Variants in DISP1 observed in about 807,000 individuals in gnomAD.
DISP1 encodes the protein dispatched RND transporter family member 1.
A neutral mutation model predicts 37.3 loss-of-function variants in DISP1; 30 were observed. That is an observed-to-expected ratio of 0.80 (90% CI 0.60 to 1.09). The LOEUF is 1.09. Ranked by LOEUF, DISP1 falls within the 50% of genes least tolerant of loss-of-function variation. The probability of loss-of-function intolerance (pLI) is 0.00; values close to 1 mark genes in which losing one functional copy is unlikely to be tolerated. For missense variants in DISP1, 1,598 were observed against 1,879.5 expected, an observed-to-expected ratio of 0.85 and a Z score of 2.77; for synonymous variants, 634 against 690.2, an observed-to-expected ratio of 0.92 and a Z score of 1.28.
chr1:222,902,676 T>C (rs1055495461), intron 1 of DISP1, among the ~76,000 whole-genome samples: 1 of 152,160 alleles, frequency 6.6e-6, no homozygotes, highest in Admixed American at 6.5e-5. Flanking sequence ...AAGACATTTA[T>C]GCAGCCAAAA....
At chr1:222,845,621 A>G (rs1306988547) in intron 1 of DISP1, among the ~76,000 whole-genome samples, 1 of 152,164 alleles carries the variant, frequency 6.6e-6, no homozygotes, top group Non-Finnish European at 1.5e-5. Context: ...TTTTTGAACA[A>G]TATGTTTAGG....
At chr1:222,951,370 A>G (rs1675205352) in intron 3 of DISP1, among the ~76,000 whole-genome samples, 1 of 107,314 alleles carries the variant, frequency 9.3e-6, no homozygotes, top group African/African-American at 3.7e-5. Flanking sequence ...TTAAAACAAA[A>G]AAAAAAAAGT....
intron 2 of DISP1, among the ~76,000 whole-genome samples, chr1:222,931,063 G>A (rs1284431636): frequency 6.6e-6 from 1 of 151,960 alleles, no homozygotes; most frequent in Non-Finnish European, 1.5e-5. Context: ...AGGGAGTGGG[G>A]CCTGGTATTA....
At chr1:222,868,474 G>A (rs189823254) in intron 1 of DISP1, among the ~76,000 whole-genome samples, 4 of 152,034 alleles carry the variant, frequency 2.6e-5, no homozygotes, top group Admixed American at 2.0e-4. Flanking sequence ...GTTTGGGAGC[G>A]GAATTATTCA....
Position 223,004,276 on chromosome 1 carries a change from AAGGCCTC to A in DISP1, c.2882_2888del (p.Gly961AlafsTer36). 5.0e-6 allele frequency: 8 copies of A among 1,614,094 alleles called. No homozygotes were observed. Among genetic ancestry groups the A allele is most frequent in the Non-Finnish European group, 6.8e-6 (8 of 1,180,006 alleles). ...TCCAGTGAGCTGAGTTCGGCCCCTG[AAGGCCTC>A]AGCAATGGTTGGTTTGTCAGCAATC... On this transcript the variant is annotated frameshift_variant, in exon 9 of 9. Transcript: ENST00000675850. LOFTEE classifies it low-confidence loss of function (END_TRUNC). This position sits in a 1 kb window ranked among gnomAD's most constrained non-coding sequence, Gnocchi z 4.9.
chr1:222,936,770 A>T (rs1302170983), intron 2 of DISP1, among the ~76,000 whole-genome samples: 2 of 61,466 alleles, frequency 3.3e-5, no homozygotes, highest in Non-Finnish European at 6.8e-5. Flanking sequence ...TATAAAAATT[A>T]TATATATCAT....
Position 222,980,410 on chromosome 1 carries a change from AGT to A in DISP1, c.510-2641_510-2640del, listed in dbSNP as rs3028495. On this transcript the variant is annotated intron_variant, in intron 3 of 8. Coordinates refer to ENST00000675850, the MANE Select transcript of DISP1 (RefSeq NM_001377229.1). ...AAATAGGAATGGGCTGATGTAACAAAGTGTGTGTGTGTGTGTGTGTGTGTGTG... is the reference window on the plus strand; with the variant it reads ...AAATAGGAATGGGCTGATGTAACAAAGTGTGTGTGTGTGTGTGTGTGTGTG... 9.9e-3 allele frequency among the ~76,000 whole-genome samples: 1,472 copies of A among 148,116 alleles called. 8 individuals are homozygous for A. The highest frequency in any genetic ancestry group is 0.014 in the Admixed American group (203 of 14,784).
At chr1:222,831,522 T>G (rs141946419) in intron 1 of DISP1, among the ~76,000 whole-genome samples, 3 of 152,316 alleles carry the variant, frequency 2.0e-5, no homozygotes, top group African/African-American at 7.2e-5. Context: ...AGCTTAGAAC[T>G]GCTGAATTTA....
At chr1:222,851,061 A>ATTTTTTT (rs971721526) in intron 1 of DISP1, among the ~76,000 whole-genome samples, 1 of 127,362 alleles carries the variant, frequency 7.9e-6, no homozygotes, top group African/African-American at 2.9e-5. Context: ...TGCATTTTTA[A>ATTTTTTT]TTTTTTTTTT....
At chr1:222,940,540 T>C (rs76394746) in intron 2 of DISP1, among the ~76,000 whole-genome samples, 419 of 152,330 alleles carry the variant, frequency 2.8e-3, no homozygotes, top group Non-Finnish European at 4.6e-3. Context: ...AAGTCATTTG[T>C]TGTTATTAGA....
intron 1 of DISP1, among the ~76,000 whole-genome samples, chr1:222,913,742 A>T (rs981291353): frequency 8.4e-6 from 1 of 118,676 alleles, no homozygotes; most frequent in Non-Finnish European, 2.0e-5. Flanking sequence ...CTACATCTCT[A>T]CAAAAAAAAG....
At chr1:222,836,762 T>TATATATATATATAC (rs1014185520) in intron 1 of DISP1, among the ~76,000 whole-genome samples, 3 of 147,472 alleles carry the variant, frequency 2.0e-5, no homozygotes, top group African/African-American at 7.6e-5. Flanking sequence ...TATATATATA[T>TATATATATATATAC]ACACACACAC....
At chr1:222,826,626 G>T (rs1230517901) in intron 1 of DISP1, among the ~76,000 whole-genome samples, 1 of 151,716 alleles carries the variant, frequency 6.6e-6, no homozygotes, top group African/African-American at 2.4e-5. Context: ...TGGGTCAAAC[G>T]AGCCTCCTGC....
chr1:222,943,892 T>C (rs144113630), intron 3 of DISP1, among the ~76,000 whole-genome samples: 269 of 151,946 alleles, frequency 1.8e-3, no homozygotes, highest in South Asian at 9.1e-3. Flanking sequence ...TAGCTGGGCG[T>C]GGTGGTGCAT....
intron 2 of DISP1, 118 bp from the exon 3 acceptor site, chr1:222,942,689 C>A: frequency 8.5e-7 from 1 of 1,181,866 alleles, no homozygotes. Context: ...CTACCACTGT[C>A]TCACAACTCT....
At chr1:222,905,093 CTGATT>C (rs1671824981) in intron 1 of DISP1, among the ~76,000 whole-genome samples, 1 of 152,038 alleles carries the variant, frequency 6.6e-6, no homozygotes, top group East Asian at 1.9e-4. Flanking sequence ...CTATTATAAA[CTGATT>C]TAAGAACAAG....
chr1:222,970,501 A>T (rs144440187), intron 3 of DISP1, among the ~76,000 whole-genome samples: 4 of 152,282 alleles, frequency 2.6e-5, no homozygotes, highest in African/African-American at 7.2e-5. Flanking sequence ...TCAAATTTTG[A>T]TTACAGGAAC....
At chr1:222,933,239 G>A (rs185129911) in intron 2 of DISP1, among the ~76,000 whole-genome samples, 308 of 151,906 alleles carry the variant, frequency 2.0e-3, no homozygotes, top group Non-Finnish European at 3.2e-3. Flanking sequence ...TTTTTCTTCT[G>A]TATCATTAAG....
chr1:222,826,377 C>CTTTTTTT (rs376799233), intron 1 of DISP1, among the ~76,000 whole-genome samples: 3 of 110,414 alleles, frequency 2.7e-5, no homozygotes, highest in African/African-American at 3.5e-5. Context: ...CACTTTAATA[C>CTTTTTTT]TTTTTTTTTT....
Sources: gnomAD v4.1 joint callset for allele counts (sites outside exome capture counted in the v4.1 genomes callset) on GRCh38, gnomAD v4.1.1 for gene constraint, Gnocchi (gnomAD v3.1) non-coding constraint, MANE v1.5 for transcripts, NCBI Gene and HGNC (gene_info 2026-07-23, HGNC 2026-07-21) for gene names.